Variants in NIPAL4 observed in about 807,000 individuals in gnomAD.
NIPAL4 encodes NIPA like domain containing 4, also known as magnesium transporter NIPA4.
In NIPAL4, 21 loss-of-function variants were observed where a neutral mutation model predicts 31.6. That is an observed-to-expected ratio of 0.67 (90% CI 0.47 to 0.96). The LOEUF is 0.96. Among genes scored for constraint, NIPAL4 ranks in the 40% least tolerant of loss-of-function variants. The pLI, the probability that NIPAL4 is intolerant of heterozygous loss-of-function variation, is 0.00. For synonymous variants in NIPAL4, 175 were observed against 211.1 expected, an observed-to-expected ratio of 0.83 and a Z score of 1.48; for missense variants, 438 against 508.0, an observed-to-expected ratio of 0.86 and a Z score of 1.32.
intron 2 of NIPAL4, among the ~76,000 whole-genome samples, chr5:157,463,664 A>G (rs1462101006): frequency 2.0e-5 from 3 of 152,134 alleles, no homozygotes; most frequent in East Asian, 1.9e-4. Context: ...CTTCCCACCA[A>G]CGTCATCACA....
chr5:157,463,449 T>C (rs1581265925), intron 2 of NIPAL4, 116 bp downstream of exon 2: 11 of 1,235,560 alleles, frequency 8.9e-6, no homozygotes, highest in African/African-American at 6.1e-5. Context: ...TTGTCAACCC[T>C]ATCTGGAATC....
Position 157,472,630 on chromosome 5 carries a change from C to T in NIPAL4, c.885C>T (p.Phe295=), listed in dbSNP as rs1228043606. ...ACATTTTCAACACTTCCCTGGTGTT[C>T]CCCATCTACTACGTGTTCTTCACCA... The part of the protein sequence containing the change: ...ALDIFNTSLV[F]PIYYVFFTTV... The change falls in exon 6 of 6, where the codon TTC becomes TTT. Residue 295 remains phenylalanine (F), a synonymous_variant. Coordinates refer to ENST00000311946, the MANE Select transcript of NIPAL4 (RefSeq NM_001099287.2). 6.2e-7 allele frequency: 1 copy of T among 1,613,806 alleles called. No homozygotes were observed. The highest frequency in any genetic ancestry group is 1.3e-5 in the African/African-American group (1 of 74,908).
At chr5:157,472,287 T>G in intron 5 of NIPAL4, 45 bp from the exon 6 acceptor site, 2 of 1,559,340 alleles carry the variant, frequency 1.3e-6, no homozygotes. Flanking sequence ...AGACATTGCC[T>G]GCACCCTCCA....
chr5:157,465,226 G>C (rs529113749), intron 2 of NIPAL4, among the ~76,000 whole-genome samples: 25 of 152,290 alleles, frequency 1.6e-4, no homozygotes, highest in African/African-American at 6.0e-4. Flanking sequence ...AGACCTTCCA[G>C]AGTGCCAGGG....
intron 4 of NIPAL4, among the ~76,000 whole-genome samples, chr5:157,469,692 C>G (rs1754371900): frequency 6.6e-6 from 1 of 152,204 alleles, no homozygotes; most frequent in Non-Finnish European, 1.5e-5. Flanking sequence ...TGTGGGGGTC[C>G]TGGAGCCCTA....
Position 157,473,747 on chromosome 5 carries a change from C to G in NIPAL4, c.*787C>G, listed in dbSNP as rs1423233695. 1.3e-5 allele frequency: 2 copies of G among 152,214 alleles called. No individual in the cohort carries two copies. The highest frequency in any genetic ancestry group is 4.8e-5 in the African/African-American group (2 of 41,434). The allele number at this position is 152,214 out of a possible 1,614,324, so 9.4% of individuals were successfully genotyped here. On this transcript the variant is annotated 3_prime_UTR_variant, in exon 6 of 6. Coordinates refer to ENST00000311946, the MANE Select transcript of NIPAL4 (RefSeq NM_001099287.2). ...AACTGGAAACAAAACAATAATAGAG[C>G]CACAGCCAAACTCTGGTGGCCAAAC...
chr5:157,468,993 C>A (rs1387759070), intron 4 of NIPAL4, among the ~76,000 whole-genome samples, 181 bp downstream of exon 4: 4 of 152,308 alleles, frequency 2.6e-5, no homozygotes, highest in Non-Finnish European at 4.4e-5. Flanking sequence ...CTGCCTCTTG[C>A]CCTAGCATCC....
In NIPAL4 at chr5:157,467,130, A is replaced by G. The variant is rs370465937; in HGVS notation, c.334+25A>G. On this transcript the variant is annotated intron_variant, in intron 3 of 5. Coordinates refer to ENST00000311946, the MANE Select transcript of NIPAL4 (RefSeq NM_001099287.2). ...AGTAAGTGGGTTGTTTGTTACTAATAACAGTGGCCTATTGATAGCAGGGCT... is the reference window on the plus strand; with the variant it reads ...AGTAAGTGGGTTGTTTGTTACTAATGACAGTGGCCTATTGATAGCAGGGCT... 15 of 1,566,862 alleles carry G rather than the reference A, an allele frequency of 9.6e-6. No homozygotes were observed. In the African/African-American group the frequency reaches 2.0e-4, roughly 21 times the overall value.
At chr5:157,466,770 A>G (rs1378031803) in intron 2 of NIPAL4, among the ~76,000 whole-genome samples, 1 of 152,258 alleles carries the variant, frequency 6.6e-6, no homozygotes, top group Non-Finnish European at 1.5e-5. Context: ...CATTTAGGAC[A>G]GAAATTGAGA....
Position 157,467,043 on chromosome 5 carries a change from C to T in NIPAL4, c.278-6C>T, listed in dbSNP as rs752551861. The stretch of plus-strand genomic sequence containing the variant: ...CATCCTAACTTTGTGTCCATTCCCT[C>T]CACAGTGGATGGAGGCTTCGGCTAC... On this transcript the variant is annotated splice_region_variant and splice_polypyrimidine_tract_variant and intron_variant, in intron 2 of 5. Transcript: ENST00000311946. 3.4e-5 allele frequency: 54 copies of T among 1,610,876 alleles called. No individual in the cohort carries two copies. Among genetic ancestry groups the T allele is most frequent in the Non-Finnish European group, 4.3e-5 (51 of 1,177,404 alleles).
chr5:157,472,276 T>C (rs1210594002), intron 5 of NIPAL4, 56 bp from the exon 6 acceptor site: 4 of 1,531,850 alleles, frequency 2.6e-6, no homozygotes, highest in Non-Finnish European at 3.5e-6. Flanking sequence ...GTCTGGGCCC[T>C]AGACATTGCC....
chr5:157,468,860 T>G (rs764422531), intron 4 of NIPAL4, 48 bp downstream of exon 4: 32 of 1,336,332 alleles, frequency 2.4e-5, no homozygotes, highest in Admixed American at 6.3e-5. Context: ...CGTTTTCAGT[T>G]TGTTGAGGCC....
intron 3 of NIPAL4, chr5:157,467,541 TC>T (rs1185992676): frequency 5.6e-6 from 1 of 177,758 alleles, no homozygotes; most frequent in African/African-American, 2.4e-5. Context: ...CTCACACATT[TC>T]CCCCACTTTC....
chr5:157,463,316 C>A lies in NIPAL4; in HGVS notation c.260C>A (p.Thr87Lys). ...KKKGLLRLVA[T>K]GATRAVDGGF... is the part of the protein sequence containing the mutation. ...AAAGGCCTCTTGCGACTCGTGGCCA[C>A]GGGAGCCACTCGAGCTGGTAGGTTC... is the stretch of plus-strand genomic sequence containing the variant. The change falls in exon 2 of 6, where the codon ACG becomes AAG. Residue 87 changes from threonine to lysine, a missense_variant. Coordinates refer to ENST00000311946, the MANE Select transcript of NIPAL4 (RefSeq NM_001099287.2). 6.2e-7 allele frequency: 1 copy of A among 1,608,812 alleles called. No homozygotes were observed. The highest frequency in any genetic ancestry group is 8.5e-7 in the Non-Finnish European group (1 of 1,177,480).
At chr5:157,468,940 G>A (rs1754353029) in intron 4 of NIPAL4, 128 bp downstream of exon 4, 1 of 633,644 alleles carries the variant, frequency 1.6e-6, no homozygotes, top group African/African-American at 1.8e-5. Context: ...CCTCCAGAAA[G>A]AGGCAGTGTG....
chr5:157,465,498 A>G (rs1754246339), intron 2 of NIPAL4, among the ~76,000 whole-genome samples: 1 of 152,182 alleles, frequency 6.6e-6, no homozygotes, highest in South Asian at 2.1e-4. Flanking sequence ...ACTGTCTCAA[A>G]CCCATCTATC....
At chr5:157,466,319 G>C (rs1018472338) in intron 2 of NIPAL4, among the ~76,000 whole-genome samples, 3 of 152,218 alleles carry the variant, frequency 2.0e-5, no homozygotes, top group African/African-American at 7.2e-5. Context: ...GATGCACTTG[G>C]ACAGGTGAGC....
chr5:157,471,937 A>G, intron 5 of NIPAL4, 120 bp downstream of exon 5: 1 of 739,832 alleles, frequency 1.4e-6, no homozygotes, highest in African/African-American at 1.7e-5. Flanking sequence ...GGAGAAGGCA[A>G]GCTAAAGAAG....
At chr5:157,460,431 C>T (rs908263151) in intron 1 of NIPAL4, 74 bp downstream of exon 1, 1 of 1,397,818 alleles carries the variant, frequency 7.2e-7, no homozygotes, top group East Asian at 2.5e-5. Flanking sequence ...CGCTCTCCCT[C>T]GCATCCTCTC....
Sources: gnomAD v4.1 joint callset for allele counts (sites outside exome capture counted in the v4.1 genomes callset) on GRCh38, gnomAD v4.1.1 for gene constraint, MANE v1.5 for transcripts, NCBI Gene and HGNC (gene_info 2026-07-23, HGNC 2026-07-21) for gene names.